AGBL4: variants seen among roughly 807,000 people sequenced by gnomAD.
AGBL4 encodes AGBL carboxypeptidase 4.
In AGBL4, 58 loss-of-function variants were observed where a neutral mutation model predicts 66.4. The observed-to-expected ratio is 0.87, with a 90% CI of 0.71 to 1.09. The LOEUF (loss-of-function observed/expected upper bound fraction) is 1.09. Ranked by LOEUF, AGBL4 falls within the 50% of genes least tolerant of loss-of-function variation. AGBL4 has a pLI of 0.00. For synonymous variants in AGBL4, 234 were observed against 222.9 expected, an observed-to-expected ratio of 1.05 and a Z score of -0.44; for missense variants, 579 against 631.0, an observed-to-expected ratio of 0.92 and a Z score of 0.88.
intron 3 of AGBL4, among the ~76,000 whole-genome samples, chr1:49,557,092 T>TC (rs989037357): frequency 7.2e-5 from 11 of 151,912 alleles, no homozygotes; most frequent in South Asian, 2.1e-4. Flanking sequence ...AGCCTCTCCC[T>TC]CCACACCTCC....
chr1:49,780,275 G>T (rs1302515277), intron 2 of AGBL4, among the ~76,000 whole-genome samples: 1 of 152,012 alleles, frequency 6.6e-6, no homozygotes, highest in Admixed American at 6.6e-5. Flanking sequence ...TTTTAAAAAC[G>T]TGTAATTGTA....
chr1:49,426,676 C>A (rs1645667142), intron 3 of AGBL4, among the ~76,000 whole-genome samples: 1 of 151,648 alleles, frequency 6.6e-6, no homozygotes, highest in South Asian at 2.1e-4. Context: ...TTTCATTTGA[C>A]CTTCACAAGA....
At chr1:49,504,613 T>G (rs1286204592) in intron 3 of AGBL4, among the ~76,000 whole-genome samples, 1 of 152,116 alleles carries the variant, frequency 6.6e-6, no homozygotes, top group East Asian at 1.9e-4. Flanking sequence ...TCTATTTTTA[T>G]AGTTTTGAAC....
At chr1:49,572,591 G>A (rs567167476) in intron 3 of AGBL4, among the ~76,000 whole-genome samples, 2 of 152,208 alleles carry the variant, frequency 1.3e-5, no homozygotes, top group South Asian at 2.1e-4. Context: ...GAGAGTGTAT[G>A]TCCAGGAATT....
chr1:48,747,162 T>G (rs995627336), intron 6 of AGBL4, among the ~76,000 whole-genome samples: 3 of 152,232 alleles, frequency 2.0e-5, no homozygotes, highest in Admixed American at 2.0e-4. Flanking sequence ...AGCACTTGCG[T>G]TAAGAGACAG....
At chr1:48,825,556 T>C (rs1646409695) in intron 6 of AGBL4, among the ~76,000 whole-genome samples, 1 of 152,204 alleles carries the variant, frequency 6.6e-6, no homozygotes, top group African/African-American at 2.4e-5. Flanking sequence ...TTTTATGATG[T>C]TTTCTATTGT....
At chr1:49,308,217 T>A (rs140764249) in intron 3 of AGBL4, among the ~76,000 whole-genome samples, 26 of 152,202 alleles carry the variant, frequency 1.7e-4, no homozygotes, top group African/African-American at 6.0e-4. Context: ...AATTACCCAG[T>A]CTCAGGTATT....
intron 4 of AGBL4, among the ~76,000 whole-genome samples, chr1:49,168,450 A>G (rs1012275780): frequency 1.3e-5 from 2 of 152,186 alleles, no homozygotes; most frequent in Non-Finnish European, 2.9e-5. Context: ...AACCCTATGG[A>G]AAGATCACCT....
intron 6 of AGBL4, among the ~76,000 whole-genome samples, chr1:48,679,040 G>A (rs942829462): frequency 6.6e-6 from 1 of 152,234 alleles, no homozygotes; most frequent in Non-Finnish European, 1.5e-5. Flanking sequence ...GGATATGCAA[G>A]TTGACAGTGG....
intron 3 of AGBL4, among the ~76,000 whole-genome samples, chr1:49,429,651 T>TA (rs1280677958): frequency 6.6e-6 from 1 of 152,088 alleles, no homozygotes; most frequent in East Asian, 1.9e-4. Context: ...CATGATTTTT[T>TA]AAAAAATAAG....
chr1:48,615,402 G>A lies in AGBL4; in HGVS notation c.951+19091C>T, dbSNP rs563547488. Among the ~76,000 whole-genome samples the A allele has an allele frequency of 3.9e-5, 6 of 152,294 alleles. 1 individual carries two copies. In the South Asian group the frequency reaches 1.2e-3, roughly 32 times the overall value. On this transcript the variant is annotated intron_variant, in intron 9 of 13. Transcript: ENST00000371839. ...GAAAGGAGATAGCCTCCTCCCCATAGGAGAGTAGTTGTTGCACCTGCCTGA... is the reference window on the plus strand; with the variant it reads ...GAAAGGAGATAGCCTCCTCCCCATAAGAGAGTAGTTGTTGCACCTGCCTGA...
intron 5 of AGBL4, among the ~76,000 whole-genome samples, chr1:49,039,905 T>C (rs1309711020): frequency 6.6e-6 from 1 of 152,000 alleles, no homozygotes; most frequent in Non-Finnish European, 1.5e-5. Flanking sequence ...CTGACAACAC[T>C]AAATGCTGGC....
chr1:48,854,353 C>T (rs1647098714), intron 6 of AGBL4, among the ~76,000 whole-genome samples: 1 of 152,198 alleles, frequency 6.6e-6, no homozygotes. Flanking sequence ...GATCCTTGGT[C>T]ACTGGTATGG....
chr1:49,575,343 A>C (rs1328659432), intron 3 of AGBL4, among the ~76,000 whole-genome samples: 2 of 152,186 alleles, frequency 1.3e-5, no homozygotes, highest in Non-Finnish European at 2.9e-5. Flanking sequence ...TAACTGGCAT[A>C]GACATACTTA....
chr1:48,585,108 A>G (rs1348153654), intron 11 of AGBL4: 1 of 152,200 alleles, frequency 6.6e-6, no homozygotes, highest in Non-Finnish European at 1.5e-5. Flanking sequence ...CTTTTGATAA[A>G]TGAGTGTTGG....
At chr1:49,096,489 C>T (rs1050009669) in intron 4 of AGBL4, among the ~76,000 whole-genome samples, 1 of 151,610 alleles carries the variant, frequency 6.6e-6, no homozygotes, top group Non-Finnish European at 1.5e-5. Flanking sequence ...CACATATACA[C>T]CATGGAATAC....
intron 5 of AGBL4, among the ~76,000 whole-genome samples, chr1:48,985,569 G>T: frequency 6.6e-6 from 1 of 152,060 alleles, no homozygotes; most frequent in Non-Finnish European, 1.5e-5. Flanking sequence ...TGGCCTCAGT[G>T]GTAGGGAAAA....
intron 3 of AGBL4, among the ~76,000 whole-genome samples, chr1:49,294,469 C>G (rs1644601740): frequency 6.6e-6 from 1 of 152,194 alleles, no homozygotes; most frequent in African/African-American, 2.4e-5. Context: ...GAGTGAGGGA[C>G]TGCTACAGGA....
intron 6 of AGBL4, among the ~76,000 whole-genome samples, chr1:48,780,320 G>C (rs1171790960): frequency 6.6e-6 from 1 of 151,898 alleles, no homozygotes; most frequent in Non-Finnish European, 1.5e-5. Flanking sequence ...TCATGGATAG[G>C]AAGAATCAAT....
Sources: gnomAD v4.1 joint callset for allele counts (sites outside exome capture counted in the v4.1 genomes callset) on GRCh38, gnomAD v4.1.1 for gene constraint, MANE v1.5 for transcripts, NCBI Gene and HGNC (gene_info 2026-07-23, HGNC 2026-07-21) for gene names.